TGFBR1: variants seen among roughly 807,000 people sequenced by gnomAD.
TGFBR1 encodes transforming growth factor beta receptor 1.
In TGFBR1, 20 loss-of-function variants were observed where a neutral mutation model predicts 55.1. The ratio of observed to expected loss-of-function variants is 0.36; its 90% CI spans 0.26 to 0.53. TGFBR1 has a LOEUF of 0.53. Ranked by LOEUF, TGFBR1 falls within the 20% of genes least tolerant of loss-of-function variation. The probability of loss-of-function intolerance (pLI) is 0.91; values close to 1 mark genes in which losing one functional copy is unlikely to be tolerated. For synonymous variants in TGFBR1, 220 were observed against 214.8 expected (o/e 1.02, Z -0.21); for missense variants, 385 against 617.6 (o/e 0.62, Z 3.99).
chr9:99,139,023 C>G (rs1827528716), intron 4 of TGFBR1, among the ~76,000 whole-genome samples: 1 of 151,998 alleles, frequency 6.6e-6, no homozygotes, highest in Non-Finnish European at 1.5e-5. Flanking sequence ...GCCTCCATCT[C>G]TTGACCTCGT....
At chr9:99,120,582 A>G (rs963700313) in intron 1 of TGFBR1, among the ~76,000 whole-genome samples, 1 of 152,162 alleles carries the variant, frequency 6.6e-6, no homozygotes, top group Non-Finnish European at 1.5e-5. Context: ...CATGCTTCTA[A>G]AATACCAGTT....
intron 1 of TGFBR1, among the ~76,000 whole-genome samples, chr9:99,107,431 T>C (rs1826444755): frequency 6.8e-6 from 1 of 148,036 alleles, no homozygotes; most frequent in South Asian, 2.1e-4. Flanking sequence ...AGTACCACTA[T>C]GTCTATATGT....
At chr9:99,145,420 C>T (rs543241563) in intron 6 of TGFBR1, among the ~76,000 whole-genome samples, 1 of 152,300 alleles carries the variant, frequency 6.6e-6, no homozygotes, top group East Asian at 1.9e-4. Flanking sequence ...ACTGTCATAG[C>T]ACACTGAACT....
chr9:99,132,725 C>G lies in TGFBR1; in HGVS notation c.560C>G (p.Ser187Ter), dbSNP rs1291952748. 1.9e-6 allele frequency: 3 copies of G among 1,614,118 alleles called. No individual in the cohort carries two copies. Reference sequence around the variant, plus strand: ...GACTTAATTTATGATATGACAACGTCAGGTTCTGGCTCAGGTAACATAATT... The same window carrying G: ...GACTTAATTTATGATATGACAACGTGAGGTTCTGGCTCAGGTAACATAATT... ...LKDLIYDMTT[S>*]GSGSGLPLLV... The change falls in exon 3 of 9, where the codon TCA (serine) becomes TGA (stop). Residue 187 changes from serine to a stop codon, truncating the protein, a stop_gained. Coordinates refer to ENST00000374994, the MANE Select transcript of TGFBR1 (RefSeq NM_004612.4). LOFTEE classifies it high-confidence loss of function.
At position 99,128,996 on chromosome 9, in the gene TGFBR1, G is replaced by A. The variant is rs1368326650; in HGVS notation, c.239G>A (p.Arg80Gln). ...ATAGCTGAAATTGACTTAATTCCTCGAGATAGGCCGTTTGTATGTGCACCC... is the reference window on the plus strand; with the variant it reads ...ATAGCTGAAATTGACTTAATTCCTCAAGATAGGCCGTTTGTATGTGCACCC... ...MCIAEIDLIP[R>Q]DRPFVCAPSS... Residue 80 changes from arginine (R) to glutamine (Q), a missense_variant, in exon 2 of 9, where the codon CGA (arginine) becomes CAA (glutamine). Coordinates refer to ENST00000374994, the MANE Select transcript of TGFBR1 (RefSeq NM_004612.4). 1.2e-6 allele frequency: 2 copies of A among 1,613,864 alleles called. No homozygotes were observed. Among genetic ancestry groups the A allele is most frequent in the South Asian group, 2.2e-5 (2 of 91,078 alleles).
At chr9:99,137,765 A>C (rs933076613) in intron 3 of TGFBR1, 94 bp from the exon 4 acceptor site, 1 of 938,464 alleles carries the variant, frequency 1.1e-6, no homozygotes, top group Middle Eastern at 2.1e-4. Flanking sequence ...AGCTTAAAGT[A>C]TCAGTTTTCT....
At chr9:99,107,525 T>C (rs763706064) in intron 1 of TGFBR1, among the ~76,000 whole-genome samples, 2 of 152,206 alleles carry the variant, frequency 1.3e-5, no homozygotes, top group Non-Finnish European at 2.9e-5. Flanking sequence ...AATCCAACTC[T>C]TCTATGAATG....
chr9:99,143,202 CGTT>C (rs1211317026), intron 5 of TGFBR1, among the ~76,000 whole-genome samples: 10 of 152,130 alleles, frequency 6.6e-5, no homozygotes, highest in Non-Finnish European at 1.5e-4. Flanking sequence ...ATTCTCTAGT[CGTT>C]GTAACAAAAC....
intron 1 of TGFBR1, among the ~76,000 whole-genome samples, chr9:99,117,378 G>A (rs975975227): frequency 6.6e-6 from 1 of 151,668 alleles, no homozygotes; most frequent in Non-Finnish European, 1.5e-5. Context: ...GGATTACAGC[G>A]TGAGCCACCG....
chr9:99,147,611 T>C, intron 7 of TGFBR1, 43 bp from the exon 8 acceptor site: 1 of 1,587,002 alleles, frequency 6.3e-7, no homozygotes, highest in East Asian at 2.2e-5. Context: ...TGGCATTAGC[T>C]GAATAAATTC....
At chr9:99,109,989 A>G (rs1353160127) in intron 1 of TGFBR1, among the ~76,000 whole-genome samples, 2 of 152,214 alleles carry the variant, frequency 1.3e-5, no homozygotes, top group Non-Finnish European at 2.9e-5. Context: ...CTCCATAAAC[A>G]TTAAAATTGT....
At chr9:99,137,833 T>A in intron 3 of TGFBR1, 26 bp from the exon 4 acceptor site, 6 of 1,574,936 alleles carry the variant, frequency 3.8e-6, no homozygotes, top group Non-Finnish European at 5.2e-6. Context: ...TTGATTGTGT[T>A]GAGTACTATT....
At chr9:99,123,096 A>G (rs1056342627) in intron 1 of TGFBR1, among the ~76,000 whole-genome samples, 1 of 152,086 alleles carries the variant, frequency 6.6e-6, no homozygotes. Flanking sequence ...AAATATTCCA[A>G]AATCTGAAAA....
chr9:99,118,259 A>G (rs995176475), intron 1 of TGFBR1, among the ~76,000 whole-genome samples: 1 of 152,154 alleles, frequency 6.6e-6, no homozygotes, highest in African/African-American at 2.4e-5. Flanking sequence ...CCATGTACAT[A>G]GTTGTCCTCT....
chr9:99,134,805 TA>T (rs58279495), intron 3 of TGFBR1, among the ~76,000 whole-genome samples: 430 of 31,768 alleles, frequency 0.014, 37 homozygotes, highest in Admixed American at 0.075. Flanking sequence ...GTTTCCATTA[TA>T]TATATATATA....
Position 99,133,951 on chromosome 9 carries a change from C to CT in TGFBR1, c.574+1213dup, listed in dbSNP as rs1199768703. ...CCTGGGGGGTGGAGGTTGCAGTTAG[C>CT]TGAGATCGCACCACTGCACTCCAGC... On this transcript the variant is annotated intron_variant, in intron 3 of 8. Transcript: ENST00000374994. 4.7e-5 allele frequency among the ~76,000 whole-genome samples: 7 copies of CT among 148,382 alleles called. No individual in the cohort carries two copies. The East Asian group carries it at 1.4e-3, about 29-fold the overall frequency.
intron 1 of TGFBR1, among the ~76,000 whole-genome samples, chr9:99,119,315 C>G (rs1826836156): frequency 6.6e-6 from 1 of 152,154 alleles, no homozygotes; most frequent in Non-Finnish European, 1.5e-5. Context: ...TGTCATTCCC[C>G]TAGCCCAGGA....
At chr9:99,128,784 T>TA in intron 1 of TGFBR1, 71 bp from the exon 2 acceptor site, 1 of 1,573,348 alleles carries the variant, frequency 6.4e-7, no homozygotes, top group Non-Finnish European at 8.7e-7. Context: ...AATGTATTAT[T>TA]AGAGTGAATA....
At position 99,147,640 on chromosome 9, in the gene TGFBR1, T is replaced by G; in HGVS notation, c.1256-14T>G. 6.2e-7 allele frequency: 1 copy of G among 1,611,778 alleles called. No homozygotes were observed. The highest frequency in any genetic ancestry group is 2.2e-5 in the East Asian group (1 of 44,798). On this transcript the variant is annotated splice_polypyrimidine_tract_variant and intron_variant, in intron 7 of 8. Coordinates refer to ENST00000374994, the MANE Select transcript of TGFBR1 (RefSeq NM_004612.4). The stretch of plus-strand genomic sequence containing the variant: ...TAAATTCATCAAAATTTAATTTTTT[T>G]TAAACTGATACAGGAATTCATGAAG...
Sources: gnomAD v4.1 joint callset for allele counts (sites outside exome capture counted in the v4.1 genomes callset) on GRCh38, gnomAD v4.1.1 for gene constraint, MANE v1.5 for transcripts, NCBI Gene and HGNC (gene_info 2026-07-23, HGNC 2026-07-21) for gene names.